The following GRM7 variants were observed in gnomAD, a reference collection of about 807,000 sequenced individuals.
GRM7 encodes the protein glutamate metabotropic receptor 7, also known as metabotropic glutamate receptor 7.
GRM7 carries 35 observed loss-of-function variants against 84.5 expected under a neutral mutation model. The ratio of observed to expected loss-of-function variants is 0.41; its 90% CI spans 0.32 to 0.55. The LOEUF (loss-of-function observed/expected upper bound fraction) is 0.55. GRM7 is among the 20% of genes least tolerant of loss of function. The pLI is 0.19. For missense variants in GRM7, 1,003 were observed against 1,194.6 expected (o/e 0.84, Z 2.36); for synonymous variants, 487 against 455.1 (o/e 1.07, Z -0.89).
chr3:7,700,265 T>G (rs1701179325), intron 9 of GRM7, among the ~76,000 whole-genome samples: 1 of 152,160 alleles, frequency 6.6e-6, no homozygotes, highest in Non-Finnish European at 1.5e-5. Flanking sequence ...AACACATCTC[T>G]CTGGTCTCAA....
chr3:6,980,513 T>C (rs1694159392), intron 1 of GRM7, among the ~76,000 whole-genome samples: 1 of 152,188 alleles, frequency 6.6e-6, no homozygotes, highest in Admixed American at 6.6e-5. Flanking sequence ...CTCTGTGAAA[T>C]CCAATTAAAC....
At chr3:7,510,179 C>G (rs1415344721) in intron 7 of GRM7, among the ~76,000 whole-genome samples, 2 of 152,158 alleles carry the variant, frequency 1.3e-5, no homozygotes, top group African/African-American at 4.8e-5. Flanking sequence ...CCAAACTTCT[C>G]TGGTCCTCTT....
intron 1 of GRM7, among the ~76,000 whole-genome samples, chr3:6,880,336 A>G (rs1355974364): frequency 6.6e-6 from 1 of 152,158 alleles, no homozygotes; most frequent in Non-Finnish European, 1.5e-5. Context: ...CCCCCTAGAG[A>G]GCCTCTTTCT....
At chr3:7,685,589 T>C (rs1394905915) in intron 9 of GRM7, among the ~76,000 whole-genome samples, 3 of 152,160 alleles carry the variant, frequency 2.0e-5, no homozygotes, top group Non-Finnish European at 4.4e-5. Context: ...CATTGTATGA[T>C]GAACCACATG....
intron 7 of GRM7, among the ~76,000 whole-genome samples, chr3:7,532,577 G>A (rs1277117817): frequency 6.6e-6 from 1 of 151,802 alleles, no homozygotes; most frequent in Non-Finnish European, 1.5e-5. Context: ...ACCAGTTCCT[G>A]GGCTCATTGA....
At chr3:7,483,753 A>G (rs1699219114) in intron 7 of GRM7, among the ~76,000 whole-genome samples, 1 of 152,134 alleles carries the variant, frequency 6.6e-6, no homozygotes, top group African/African-American at 2.4e-5. Flanking sequence ...GATGAGAGAT[A>G]GATATAGATA....
chr3:7,511,443 C>T (rs1209712361), intron 7 of GRM7, among the ~76,000 whole-genome samples: 1 of 152,102 alleles, frequency 6.6e-6, no homozygotes, highest in Non-Finnish European at 1.5e-5. Context: ...GCACCACAGA[C>T]ATTGTGACTG....
At chr3:7,733,987 C>T (rs1389170937) in intron 9 of GRM7, among the ~76,000 whole-genome samples, 1 of 152,206 alleles carries the variant, frequency 6.6e-6, no homozygotes, top group East Asian at 1.9e-4. Context: ...AAGCACTCAT[C>T]ACAGATATGT....
intron 1 of GRM7, among the ~76,000 whole-genome samples, chr3:7,033,971 G>T (rs1696284986): frequency 6.6e-6 from 1 of 152,156 alleles, no homozygotes; most frequent in African/African-American, 2.4e-5. Context: ...ATATTGAAGT[G>T]CAATTGCCTG....
chr3:7,206,452 A>G (rs1696242967), intron 2 of GRM7, among the ~76,000 whole-genome samples: 1 of 152,200 alleles, frequency 6.6e-6, no homozygotes. Context: ...GATGGTTAAA[A>G]AAATTTCTGG....
Position 7,522,134 on chromosome 3 carries a change from C to T in GRM7, c.1516-56288C>T, listed in dbSNP as rs188553290. Among the ~76,000 whole-genome samples the T allele has an allele frequency of 6.7e-4, 102 of 152,230 alleles. 1 individual carries two copies. The highest frequency in any genetic ancestry group is 2.3e-3 in the African/African-American group (97 of 41,540). ...GTAGCCTCTGAAATCTTTGTCTAAC[C>T]TGGAAATAAAGGGAAAATGGTGGAA... On this transcript the variant is annotated intron_variant, in intron 7 of 9. Coordinates refer to ENST00000357716, the MANE Select transcript of GRM7 (RefSeq NM_000844.4).
chr3:7,098,124 C>T (rs2125016345), intron 1 of GRM7, among the ~76,000 whole-genome samples: 1 of 152,088 alleles, frequency 6.6e-6, no homozygotes, highest in Non-Finnish European at 1.5e-5. Context: ...TACAGTGGTC[C>T]CTTATTTCCC....
intron 8 of GRM7, among the ~76,000 whole-genome samples, chr3:7,626,870 C>A (rs1005431634): frequency 6.6e-6 from 1 of 151,164 alleles, no homozygotes; most frequent in South Asian, 2.1e-4. Context: ...ATGTCAAGAC[C>A]GAACATTATT....
At chr3:7,101,362 C>A (rs894749463) in intron 1 of GRM7, among the ~76,000 whole-genome samples, 1 of 151,656 alleles carries the variant, frequency 6.6e-6, no homozygotes, top group Admixed American at 6.6e-5. Context: ...TTATAACTTG[C>A]ATTTCTGTGT....
At chr3:7,474,272 G>C (rs538119531) in intron 7 of GRM7, among the ~76,000 whole-genome samples, 13 of 152,048 alleles carry the variant, frequency 8.5e-5, no homozygotes, top group African/African-American at 3.1e-4. Flanking sequence ...CATGTCCTAA[G>C]TAGGGGCTTT....
chr3:7,105,280 C>A (rs1699252651), intron 1 of GRM7, among the ~76,000 whole-genome samples: 1 of 151,758 alleles, frequency 6.6e-6, no homozygotes, highest in African/African-American at 2.4e-5. Context: ...CAAATGTGTT[C>A]CAGAGGTTGG....
intron 8 of GRM7, among the ~76,000 whole-genome samples, chr3:7,616,015 A>T (rs377298725): frequency 6.6e-6 from 1 of 152,100 alleles, no homozygotes; most frequent in African/African-American, 2.4e-5. Context: ...TTTTAATTTT[A>T]TTCAGGTTTC....
intron 2 of GRM7, among the ~76,000 whole-genome samples, chr3:7,190,062 G>T (rs1695659136): frequency 6.6e-6 from 1 of 152,096 alleles, no homozygotes; most frequent in Non-Finnish European, 1.5e-5. Flanking sequence ...CTGCAAGGTA[G>T]TTGAACAATT....
intron 5 of GRM7, among the ~76,000 whole-genome samples, chr3:7,419,220 A>C (rs1347925413): frequency 6.6e-6 from 1 of 152,180 alleles, no homozygotes; most frequent in African/African-American, 2.4e-5. Context: ...AAGAGTTTGC[A>C]GACAGGCGTC....
Sources: allele counts gnomAD v4.1 joint callset (sites outside exome capture counted in the v4.1 genomes callset), GRCh38; gene constraint gnomAD v4.1.1; transcripts MANE v1.5; gene names NCBI Gene and HGNC (gene_info 2026-07-23, HGNC 2026-07-21).